Variants in MYO3A observed in about 807,000 individuals in gnomAD.
The protein encoded by MYO3A is myosin IIIA.
In MYO3A, 180 loss-of-function variants were observed where a neutral mutation model predicts 192.7. The ratio of observed to expected loss-of-function variants is 0.93; its 90% CI spans 0.83 to 1.06. The LOEUF (loss-of-function observed/expected upper bound fraction) is 1.06, where lower values mean the gene tolerates loss of function less well. MYO3A is among the 50% of genes least tolerant of loss of function. The probability of loss-of-function intolerance (pLI) is 0.00; values close to 1 mark genes in which losing one functional copy is unlikely to be tolerated. For synonymous variants in MYO3A, 628 were observed against 645.3 expected (o/e 0.97, Z 0.41); for missense variants, 1,896 against 1,905.0 (o/e 1.00, Z 0.09).
At chr10:26,204,325 T>G (rs1843806456) in intron 34 of MYO3A, 1 of 152,258 alleles carries the variant, frequency 6.6e-6, no homozygotes, top group African/African-American at 2.4e-5. Flanking sequence ...CTGACTTACC[T>G]GCTTCCCATT....
chr10:26,157,383 G>A lies in MYO3A; in HGVS notation c.2867G>A (p.Ser956Asn), dbSNP rs3758449. 860,094 of 1,613,650 alleles carry A rather than the reference G, an allele frequency of 0.53. 231,940 individuals carry two copies. The highest frequency in any genetic ancestry group is 0.56 in the Middle Eastern group (3,393 of 6,062). ...PHFVRCIKPN[S>N]ERQARKYDKE... Reference sequence around the variant, plus strand: ...TTTGTCCGTTGCATCAAACCAAATAGTGAGCGTCAGGCAAGAAAATATGAC... The same window carrying A: ...TTTGTCCGTTGCATCAAACCAAATAATGAGCGTCAGGCAAGAAAATATGAC... Residue 956 changes from serine (S) to asparagine (N), a missense_variant, in exon 26 of 35, where the codon AGT (serine) becomes AAT (asparagine). Ser to Asn is a conservative substitution (Grantham distance 46). Coordinates refer to ENST00000642920, the MANE Select transcript of MYO3A (RefSeq NM_017433.5).
At chr10:25,963,061 G>T (rs1307956727) in intron 4 of MYO3A, among the ~76,000 whole-genome samples, 3 of 152,128 alleles carry the variant, frequency 2.0e-5, no homozygotes, top group Non-Finnish European at 1.5e-5. Flanking sequence ...TCCTTTCACA[G>T]TGGTGCTACA....
rs1840287328 is a variant in MYO3A, at chr10:26,143,525, G to T, written c.2340G>T (p.Leu780=). The T allele has an allele frequency of 2.5e-6, 4 of 1,613,884 alleles. No individual in the cohort carries two copies. Among genetic ancestry groups the T allele is most frequent in the African/African-American group, 1.3e-5 (1 of 75,018 alleles). ...EDNWPLLDMF[L]QKPMGLLSLL... is the part of the protein sequence containing the mutation. ...ACTGGCCCCTCTTAGATATGTTTCT[G>T]CAAAAGCCAATGGGTTTACTTTCCC... is the stretch of plus-strand genomic sequence containing the variant. Residue 780 remains leucine (L), a synonymous_variant, in exon 21 of 35, where the codon CTG becomes CTT. Transcript: ENST00000642920.
At chr10:25,993,460 C>T (rs894986359) in intron 4 of MYO3A, among the ~76,000 whole-genome samples, 2 of 152,090 alleles carry the variant, frequency 1.3e-5, no homozygotes, top group Non-Finnish European at 2.9e-5. Flanking sequence ...TTTCAAAAAA[C>T]CAGCTCCTGG....
chr10:26,097,072 TTTCAGTGACC>T (rs1347581408), intron 17 of MYO3A, among the ~76,000 whole-genome samples: 1 of 152,026 alleles, frequency 6.6e-6, no homozygotes, highest in African/African-American at 2.4e-5. Flanking sequence ...AAGGTGTATA[TTTCAGTGACC>T]TTTAGTATAT....
chr10:26,062,604 T>C (rs71492529), intron 10 of MYO3A, among the ~76,000 whole-genome samples: 1 of 149,674 alleles, frequency 6.7e-6, no homozygotes, highest in Non-Finnish European at 1.5e-5. Flanking sequence ...TACTTTTTTT[T>C]AATATCAGAA....
chr10:25,943,191 T>C (rs1018176365), intron 2 of MYO3A, among the ~76,000 whole-genome samples: 6 of 152,124 alleles, frequency 3.9e-5, no homozygotes, highest in Non-Finnish European at 8.8e-5. Flanking sequence ...TTAACAAGAC[T>C]GTTTTTTCCC....
At chr10:26,094,189 T>C (rs1361408122) in intron 15 of MYO3A, among the ~76,000 whole-genome samples, 1 of 152,196 alleles carries the variant, frequency 6.6e-6, no homozygotes, top group African/African-American at 2.4e-5. Flanking sequence ...ACCTTTAATG[T>C]TATTTTAAAC....
At chr10:25,984,004 A>G (rs1839494256) in intron 4 of MYO3A, among the ~76,000 whole-genome samples, 1 of 152,178 alleles carries the variant, frequency 6.6e-6, no homozygotes, top group African/African-American at 2.4e-5. Context: ...TTGTATCCAG[A>G]GAAACTAAGC....
chr10:25,998,267 G>A (rs151095958), intron 6 of MYO3A, among the ~76,000 whole-genome samples: 44 of 152,246 alleles, frequency 2.9e-4, no homozygotes, highest in African/African-American at 9.9e-4. Flanking sequence ...GGAAACTAAA[G>A]CTCAGCAAGT....
chr10:26,179,132 CTTG>C (rs1412716312), intron 31 of MYO3A, among the ~76,000 whole-genome samples: 38 of 73,082 alleles, frequency 5.2e-4, no homozygotes, highest in Non-Finnish European at 7.4e-5. Flanking sequence ...GAGTTTCACT[CTTG>C]TTGTCCAGGC....
chr10:25,953,979 C>G (rs1405580136), intron 3 of MYO3A, among the ~76,000 whole-genome samples: 1 of 152,096 alleles, frequency 6.6e-6, no homozygotes, highest in Admixed American at 6.6e-5. Flanking sequence ...AGGAGTCTTA[C>G]TCTTACATAT....
intron 4 of MYO3A, among the ~76,000 whole-genome samples, chr10:25,961,900 A>G (rs1837952755): frequency 6.6e-6 from 1 of 152,158 alleles, no homozygotes; most frequent in Non-Finnish European, 1.5e-5. Flanking sequence ...GCATGAGGGT[A>G]CCAAAAGAGG....
chr10:25,946,206 C>T (rs1417119590), intron 2 of MYO3A, among the ~76,000 whole-genome samples: 2 of 152,138 alleles, frequency 1.3e-5, no homozygotes, highest in African/African-American at 4.8e-5. Context: ...CATGAGACTT[C>T]AAGATATTGT....
intron 10 of MYO3A, among the ~76,000 whole-genome samples, chr10:26,042,948 T>A (rs937070644): frequency 1.3e-5 from 2 of 152,208 alleles, no homozygotes; most frequent in African/African-American, 4.8e-5. Flanking sequence ...TTTGTGCCTA[T>A]CTTTCTTGGG....
At chr10:26,007,984 A>G (rs546473819) in intron 6 of MYO3A, among the ~76,000 whole-genome samples, 173 of 151,764 alleles carry the variant, frequency 1.1e-3, no homozygotes, top group Non-Finnish European at 1.7e-3. Flanking sequence ...TTCAAACTAT[A>G]CTACAAGGCT....
intron 27 of MYO3A, 42 bp downstream of exon 27, chr10:26,166,220 C>T: frequency 7.8e-6 from 11 of 1,418,402 alleles, no homozygotes; most frequent in Non-Finnish European, 1.1e-5. Context: ...AATAATTATG[C>T]TGGGTTCACT....
intron 2 of MYO3A, among the ~76,000 whole-genome samples, chr10:25,941,888 A>G (rs1836513729): frequency 6.6e-6 from 1 of 151,976 alleles, no homozygotes; most frequent in Non-Finnish European, 1.5e-5. Flanking sequence ...ATTTTTCTCA[A>G]CATAACGTCT....
chr10:26,058,939 G>C (rs898458843), intron 10 of MYO3A, among the ~76,000 whole-genome samples: 38 of 114,322 alleles, frequency 3.3e-4, no homozygotes, highest in African/African-American at 1.1e-3. Context: ...TATTTCATTG[G>C]GGGGTGCAAA....
Sources: allele counts gnomAD v4.1 joint callset (sites outside exome capture counted in the v4.1 genomes callset), GRCh38; gene constraint gnomAD v4.1.1; transcripts MANE v1.5; gene names NCBI Gene and HGNC (gene_info 2026-07-23, HGNC 2026-07-21).